The following YAE1 variants were observed in gnomAD, a reference collection of about 807,000 sequenced individuals.
YAE1 encodes the protein protein YAE1 homolog.
A neutral mutation model predicts 23.0 loss-of-function variants in YAE1; 22 were observed. The ratio of observed to expected loss-of-function variants is 0.96; its 90% CI spans 0.68 to 1.37. The LOEUF (loss-of-function observed/expected upper bound fraction) is 1.37. YAE1 is among the 40% of genes most tolerant of loss of function. The pLI is 0.00. For missense variants in YAE1, 260 were observed against 262.1 expected, an observed-to-expected ratio of 0.99 and a Z score of 0.06; for synonymous variants, 101 against 97.0, an observed-to-expected ratio of 1.04 and a Z score of -0.24.
downstream of YAE1, among the ~76,000 whole-genome samples, chr7:39,611,400 AAG>A (rs1418659484): frequency 3.9e-5 from 6 of 152,182 alleles, no homozygotes; most frequent in Non-Finnish European, 8.8e-5. Context: ...CTAAAGGGAA[AAG>A]GTCTCCCCTG....
At chr7:39,570,246 GT>G in intron 1 of YAE1, 1 of 633,112 alleles carries the variant, frequency 1.6e-6, no homozygotes, top group Non-Finnish European at 2.7e-6. Context: ...CCAACACTAG[GT>G]TTTTTAAAAA....
At chr7:39,598,311 T>C (rs1394299537) in intron 2 of YAE1, among the ~76,000 whole-genome samples, 3 of 152,078 alleles carry the variant, frequency 2.0e-5, no homozygotes, top group African/African-American at 4.8e-5. Context: ...GGTTTCACTA[T>C]GTTGGCCAGG....
intron 2 of YAE1, among the ~76,000 whole-genome samples, chr7:39,592,695 G>C (rs1203110502): frequency 6.6e-6 from 1 of 151,292 alleles, no homozygotes; most frequent in African/African-American, 2.5e-5. Context: ...TCATTACCTT[G>C]TGGCTTCTAG....
At chr7:39,602,206 G>C (rs926338405) in intron 2 of YAE1, among the ~76,000 whole-genome samples, 3 of 152,222 alleles carry the variant, frequency 2.0e-5, no homozygotes, top group African/African-American at 7.2e-5. Context: ...TCTGGTTAGA[G>C]ATGCATTATT....
intron 2 of YAE1, chr7:39,609,563 G>A (rs1448148514): frequency 4.4e-5 from 66 of 1,503,812 alleles, no homozygotes; most frequent in Non-Finnish European, 5.3e-5. Context: ...GAAAGTTGTG[G>A]GGACAGTGAT....
downstream of YAE1, among the ~76,000 whole-genome samples, chr7:39,611,800 ATTATT>A (rs1313325384): frequency 3.9e-5 from 6 of 152,188 alleles, no homozygotes; most frequent in African/African-American, 7.2e-5. Flanking sequence ...TCCTATTCAT[ATTATT>A]TTATTTGAAT....
chr7:39,597,693 G>C (rs1383965117), intron 2 of YAE1, among the ~76,000 whole-genome samples: 1 of 152,186 alleles, frequency 6.6e-6, no homozygotes, highest in African/African-American at 2.4e-5. Context: ...AGCGGTAGTG[G>C]TGGGGCCAAT....
At chr7:39,592,942 TCCA>T (rs1178459338) in intron 2 of YAE1, among the ~76,000 whole-genome samples, 2 of 152,138 alleles carry the variant, frequency 1.3e-5, no homozygotes, top group African/African-American at 4.8e-5. Flanking sequence ...CTACTGGGAC[TCCA>T]GTTACACATA....
At chr7:39,594,231 T>C (rs1448180507) in intron 2 of YAE1, among the ~76,000 whole-genome samples, 5 of 152,326 alleles carry the variant, frequency 3.3e-5, no homozygotes, top group African/African-American at 1.2e-4. Context: ...TCCAAGTAGA[T>C]TTTATATTCA....
At chr7:39,599,619 T>C (rs1490632552) in intron 2 of YAE1, among the ~76,000 whole-genome samples, 1 of 152,100 alleles carries the variant, frequency 6.6e-6, no homozygotes, top group Non-Finnish European at 1.5e-5. Flanking sequence ...CCTATAATTA[T>C]AGAATTATAG....
chr7:39,580,710 T>C (rs1790729403), intron 2 of YAE1, among the ~76,000 whole-genome samples: 1 of 152,174 alleles, frequency 6.6e-6, no homozygotes, highest in Admixed American at 6.5e-5. Flanking sequence ...TCCCTAAAGC[T>C]ATACCAGACA....
At chr7:39,576,139 T>G (rs931448590), downstream of YAE1, among the ~76,000 whole-genome samples, 1 of 152,212 alleles carries the variant, frequency 6.6e-6, no homozygotes, top group African/African-American at 2.4e-5. Flanking sequence ...GCCCTTCCTG[T>G]GCCATCATAC....
At chr7:39,578,177 G>C (rs1294203367) in intron 2 of YAE1, among the ~76,000 whole-genome samples, 1 of 151,888 alleles carries the variant, frequency 6.6e-6, no homozygotes, top group Non-Finnish European at 1.5e-5. Flanking sequence ...TCTGTGTCTA[G>C]TTCAAGCAGC....
chr7:39,592,662 T>C (rs1438152075), intron 2 of YAE1, among the ~76,000 whole-genome samples: 8 of 152,200 alleles, frequency 5.3e-5, no homozygotes, highest in Non-Finnish European at 1.2e-4. Context: ...AGTTTTATCC[T>C]TTTAGTGCTT....
chr7:39,611,553 G>T (rs1027253855), downstream of YAE1, among the ~76,000 whole-genome samples: 1 of 152,150 alleles, frequency 6.6e-6, no homozygotes, highest in African/African-American at 2.4e-5. Flanking sequence ...CTTTGGTCAG[G>T]TTCCCCCAAA....
intron 1 of YAE1, chr7:39,569,403 A>C: frequency 4.4e-6 from 2 of 453,162 alleles, no homozygotes; most frequent in Non-Finnish European, 8.7e-6. Flanking sequence ...ATGGACCCAG[A>C]GAGTGTTGTG....
downstream of YAE1, among the ~76,000 whole-genome samples, chr7:39,574,227 G>A (rs941176785): frequency 2.0e-5 from 3 of 152,170 alleles, no homozygotes; most frequent in Non-Finnish European, 2.9e-5. Flanking sequence ...GATTTTTGTC[G>A]AAAATGAAAT....
At chr7:39,588,820 G>GT (rs1790859286) in intron 2 of YAE1, among the ~76,000 whole-genome samples, 1 of 64,720 alleles carries the variant, frequency 1.5e-5, no homozygotes, top group Non-Finnish European at 4.1e-5. Flanking sequence ...TATAATTTTA[G>GT]GTTTTTTTTT....
intron 2 of YAE1, among the ~76,000 whole-genome samples, chr7:39,603,720 A>G (rs1365426181): frequency 6.6e-6 from 1 of 152,236 alleles, no homozygotes; most frequent in Non-Finnish European, 1.5e-5. Flanking sequence ...TGAATCTTCA[A>G]TAAAATTTAA....
Sources: allele counts gnomAD v4.1 joint callset (sites outside exome capture counted in the v4.1 genomes callset), GRCh38; gene constraint gnomAD v4.1.1; transcripts MANE v1.5; gene names NCBI Gene and HGNC (gene_info 2026-07-23, HGNC 2026-07-21).